CHGA: variants seen among roughly 807,000 people sequenced by gnomAD.
The protein encoded by CHGA is chromogranin A, also known as chromogranin-A.
Under a neutral mutation model 54.4 loss-of-function variants are expected in CHGA, and 41 were observed. That is an observed-to-expected ratio of 0.75 (90% CI 0.59 to 0.98). The LOEUF is 0.98. Among genes scored for constraint, CHGA ranks in the 50% least tolerant of loss-of-function variants. The probability of loss-of-function intolerance (pLI) is 0.00; values close to 1 mark genes in which losing one functional copy is unlikely to be tolerated. For missense variants in CHGA, 576 were observed against 582.3 expected (o/e 0.99, Z 0.11); for synonymous variants, 249 against 232.8 (o/e 1.07, Z -0.63).
rs775869310 is a variant in CHGA, at chr14:92,931,707, G to A, written c.808+5G>A. ...AGGAGATCCGGAAAGGCGAGAGTAC[G>A]TATGATGGCGAAGACCTCAACGAAC... On this transcript the variant is annotated splice_donor_5th_base_variant and intron_variant, in intron 6 of 7. Coordinates refer to ENST00000216492, the MANE Select transcript of CHGA (RefSeq NM_001275.4). 1.3e-6 allele frequency: 2 copies of A among 1,553,546 alleles called. No homozygotes were observed. The highest frequency in any genetic ancestry group is 8.7e-7 in the Non-Finnish European group (1 of 1,146,544).
chr14:92,932,733 G>T lies in CHGA; in HGVS notation c.1172G>T (p.Arg391Leu). The T allele has an allele frequency of 1.2e-6, 2 of 1,610,180 alleles. No homozygotes were observed. The highest frequency in any genetic ancestry group is 8.5e-7 in the Non-Finnish European group (1 of 1,179,146). ...TTCAGGGGCCCTGGGCCGCAGCTGC[G>T]ACGAGGCTGGAGGCCATCCTCCCGG... ...YGFRGPGPQLRRGWRPSSRED... is the reference protein window; with the variant it reads ...YGFRGPGPQLLRGWRPSSRED... Residue 391 changes from arginine to leucine, a missense_variant, in exon 7 of 8, where the codon CGA becomes CTA. Transcript: ENST00000216492. The surrounding 1 kb of genome is among the most constrained non-coding windows in gnomAD (Gnocchi z 5.3).
In CHGA at chr14:92,932,933, C is replaced by G. The variant is rs1037615873; in HGVS notation, c.1290+82C>G. 51 of 1,438,648 alleles carry G rather than the reference C, an allele frequency of 3.5e-5. No homozygotes were observed. The highest frequency in any genetic ancestry group is 8.2e-6 in the Non-Finnish European group (9 of 1,092,816). The allele number at this position is 1,438,648 out of a possible 1,614,324, so 89.1% of individuals were successfully genotyped here. On this transcript the variant is annotated intron_variant, in intron 7 of 7. Transcript: ENST00000216492. The surrounding 1 kb of genome is among the most constrained non-coding windows in gnomAD (Gnocchi z 5.3). Reference sequence around the variant, plus strand: ...CGCACCCAGACACACTGCCCCTGCCCCACTGAGGGGACAGGGCCCCCCCGC... The same window carrying G: ...CGCACCCAGACACACTGCCCCTGCCGCACTGAGGGGACAGGGCCCCCCCGC...
In CHGA at chr14:92,929,748, A is replaced by G. The variant is rs746055635; in HGVS notation, c.288A>G (p.Lys96=). The G allele has an allele frequency of 6.2e-7, 1 of 1,613,946 alleles. No individual in the cohort carries two copies. Among genetic ancestry groups the G allele is most frequent in the Non-Finnish European group, 8.5e-7 (1 of 1,180,020 alleles). Residue 96 remains lysine (K), a synonymous_variant, in exon 5 of 8, where the codon AAA becomes AAG. Transcript: ENST00000216492. The part of the protein sequence containing the change: ...GAKERAHQQK[K]HSGFEDELSE... ...AGGAGAGGGCACATCAGCAGAAGAA[A>G]CACAGCGGTTTTGAAGATGAACTCT...
chr14:92,926,282 G>T, intron 2 of CHGA: 1 of 330,816 alleles, frequency 3.0e-6, no homozygotes, highest in South Asian at 6.1e-5. Flanking sequence ...CTCATGTTTA[G>T]AGAAATAGCA....
chr14:92,926,741 C>A, intron 3 of CHGA, 43 bp downstream of exon 3: 1 of 1,538,648 alleles, frequency 6.5e-7, no homozygotes, highest in Non-Finnish European at 9.0e-7. Context: ...GCCTGCTGGG[C>A]TGGGAGGCTA....
chr14:92,923,553 C>G (rs993879955), intron 1 of CHGA, 148 bp downstream of exon 1: 5 of 682,472 alleles, frequency 7.3e-6, no homozygotes, highest in Non-Finnish European at 1.0e-5. Flanking sequence ...CTCCGCCTCC[C>G]GCCTGACCCT....
chr14:92,934,675 A>C (rs1311544102), intron 7 of CHGA, 126 bp from the exon 8 acceptor site: 2 of 677,366 alleles, frequency 3.0e-6, no homozygotes, highest in Non-Finnish European at 5.2e-6. Context: ...TCCATGATGG[A>C]TGAGGGTACA....
In CHGA at chr14:92,932,847, C is replaced by G. The variant is rs1164425277; in HGVS notation, c.1286C>G (p.Pro429Arg). 1 of 1,488,410 alleles carries G rather than the reference C, an allele frequency of 6.7e-7. No homozygotes were observed. The highest frequency in any genetic ancestry group is 9.0e-7 in the Non-Finnish European group (1 of 1,116,654). The allele number at this position is 1,488,410 out of a possible 1,614,324, so 92.2% of individuals were successfully genotyped here. Reference protein sequence around the residue: ...KEEEGSANRRPEDQELESLSA... With the variant: ...KEEEGSANRRREDQELESLSA... ...GAGGAGGGCAGCGCAAACCGCAGAC[C>G]AGAGGTTGGTATGGGGCGGGAGCCA... Residue 429 changes from proline (P) to arginine (R), a missense_variant, in exon 7 of 8, where the codon CCA (proline) becomes CGA (arginine). Pro to Arg is a moderately radical substitution (Grantham distance 103). Transcript: ENST00000216492. This position sits in a 1 kb window ranked among gnomAD's most constrained non-coding sequence, Gnocchi z 5.3.
Position 92,923,255 on chromosome 14 carries a change from G to T in CHGA, c.-105G>T. ...CGAGGCACTGCGCCCCCAGCCCCGC[G>T]CCGGTGCCACCGCAGCCCGACCCCG... On this transcript the variant is annotated 5_prime_UTR_variant, in exon 1 of 8. Coordinates refer to ENST00000216492, the MANE Select transcript of CHGA (RefSeq NM_001275.4). The T allele has an allele frequency of 1.9e-6, 2 of 1,073,758 alleles. No individual in the cohort carries two copies. Among genetic ancestry groups the T allele is most frequent in the Non-Finnish European group, 1.2e-6 (1 of 848,046 alleles). 66.5% of individuals were successfully genotyped at this position (1,073,758 alleles called of 1,614,324 possible).
At chr14:92,923,097 G>T (rs79235992), upstream of CHGA, 1,781 of 306,574 alleles carry the variant, frequency 5.8e-3, 39 homozygotes, top group African/African-American at 0.036. Context: ...CGGCACCGCT[G>T]ACGTCATTTC....
chr14:92,925,121 A>G (rs915488973), intron 2 of CHGA, among the ~76,000 whole-genome samples: 1 of 152,238 alleles, frequency 6.6e-6, no homozygotes, highest in African/African-American at 2.4e-5. Flanking sequence ...GACCTTGGGA[A>G]AATTCCTTAA....
intron 7 of CHGA, among the ~76,000 whole-genome samples, chr14:92,933,784 G>A (rs1409920594): frequency 6.6e-6 from 1 of 152,206 alleles, no homozygotes; most frequent in East Asian, 1.9e-4. Context: ...GGGAGCCCAG[G>A]GCGAGGGGCT....
Position 92,932,533 on chromosome 14 carries a change from G to T in CHGA, c.972G>T (p.Glu324Asp). Reference protein sequence around the residue: ...QGLFRGGKSGELEQEEERLSK... With the variant: ...QGLFRGGKSGDLEQEEERLSK... The stretch of plus-strand genomic sequence containing the variant: ...TCTTCCGGGGTGGGAAGAGCGGAGA[G>T]CTGGAGCAGGAGGAGGAGCGGCTCT... The change falls in exon 7 of 8, where the codon GAG becomes GAT. Residue 324 changes from glutamate to aspartate, a missense_variant. Coordinates refer to ENST00000216492, the MANE Select transcript of CHGA (RefSeq NM_001275.4). The surrounding 1 kb of genome is among the most constrained non-coding windows in gnomAD (Gnocchi z 5.3). 4 of 1,554,130 alleles carry T rather than the reference G, an allele frequency of 2.6e-6. No homozygotes were observed. Among genetic ancestry groups the T allele is most frequent in the Non-Finnish European group, 3.5e-6 (4 of 1,148,676 alleles).
rs1472045652 is a variant in CHGA, at chr14:92,929,631, GATGGGGAAATGGAGGTCTTCACTCTT to G, written c.257-83_257-58del. On this transcript the variant is annotated intron_variant, in intron 4 of 7. Coordinates refer to ENST00000216492, the MANE Select transcript of CHGA (RefSeq NM_001275.4). ...CTGAACATGATGTGCCCAGCTTACA[GATGGGGAAATGGAGGTCTTCACTCTT>G]ATAGACAAATATGCCACAGCTGCAC... 6.7e-6 allele frequency: 8 copies of G among 1,198,148 alleles called. No homozygotes were observed. The East Asian group carries it at 1.4e-4, about 21-fold the overall frequency. 74.2% of individuals were successfully genotyped at this position (1,198,148 alleles called of 1,614,324 possible). A position where few individuals can be genotyped will look rare whatever the true frequency, so the allele number is the denominator to read the frequency against.
At chr14:92,929,903 C>G in intron 5 of CHGA, 88 bp downstream of exon 5, 1 of 996,048 alleles carries the variant, frequency 1.0e-6, no homozygotes, top group Non-Finnish European at 1.5e-6. Context: ...TCCAGTGAGT[C>G]GGGAGCCCCA....
intron 1 of CHGA, 107 bp from the exon 2 acceptor site, chr14:92,924,092 T>G: frequency 6.3e-6 from 8 of 1,269,962 alleles, no homozygotes; most frequent in South Asian, 1.3e-5. Flanking sequence ...GTGGGGGCAG[T>G]TTTGAGGGGT....
chr14:92,924,352 A>T (rs1886846806), intron 2 of CHGA, 107 bp downstream of exon 2: 3 of 1,095,344 alleles, frequency 2.7e-6, no homozygotes, highest in Admixed American at 5.9e-5. Context: ...AAGAGCCAGC[A>T]CTGCGGCTGC....
In CHGA at chr14:92,931,618, G is replaced by A. The variant is rs113881612; in HGVS notation, c.724G>A (p.Glu242Lys). 3 of 1,612,620 alleles carry A rather than the reference G, an allele frequency of 1.9e-6. No homozygotes were observed. Among genetic ancestry groups the A allele is most frequent in the Non-Finnish European group, 2.5e-6 (3 of 1,179,410 alleles). Residue 242 changes from glutamate (E) to lysine (K), a missense_variant, in exon 6 of 8, where the codon GAG (glutamate) becomes AAG (lysine). Transcript: ENST00000216492. Reference protein sequence around the residue: ...EEEEEAEAGEEAVPEEEGPTV... With the variant: ...EEEEEAEAGEKAVPEEEGPTV... Reference sequence around the variant, plus strand: ...GGAGGAGGAGGCTGAGGCTGGAGAGGAGGCTGTCCCCGAGGAAGAAGGCCC... The same window carrying A: ...GGAGGAGGAGGCTGAGGCTGGAGAGAAGGCTGTCCCCGAGGAAGAAGGCCC...
intron 5 of CHGA, among the ~76,000 whole-genome samples, chr14:92,930,221 CACAG>C (rs1370097626): frequency 6.6e-6 from 1 of 152,216 alleles, no homozygotes; most frequent in African/African-American, 2.4e-5. Context: ...GCAGGAGGAC[CACAG>C]ACAGAGTAGG....
Sources: allele counts gnomAD v4.1 joint callset (sites outside exome capture counted in the v4.1 genomes callset), GRCh38; gene constraint gnomAD v4.1.1; non-coding constraint Gnocchi (gnomAD v3.1); transcripts MANE v1.5; gene names NCBI Gene and HGNC (gene_info 2026-07-23, HGNC 2026-07-21).